Variants in NCALD observed in about 807,000 individuals in gnomAD.
NCALD encodes the protein neurocalcin-delta.
A neutral mutation model predicts 18.6 loss-of-function variants in NCALD; 10 were observed. The ratio of observed to expected loss-of-function variants is 0.54; its 90% CI spans 0.33 to 0.91. The LOEUF (loss-of-function observed/expected upper bound fraction) is 0.91. Among genes scored for constraint, NCALD ranks in the 40% least tolerant of loss-of-function variants. The pLI is 0.03. For missense variants in NCALD, 184 were observed against 247.6 expected, an observed-to-expected ratio of 0.74 and a Z score of 1.72; for synonymous variants, 88 against 87.4, an observed-to-expected ratio of 1.01 and a Z score of -0.04.
chr8:101,704,186 T>C (rs936357886), intron 2 of NCALD, among the ~76,000 whole-genome samples: 2 of 152,230 alleles, frequency 1.3e-5, no homozygotes, highest in Admixed American at 6.5e-5. Context: ...TTTAAGAACA[T>C]TTATAGAGCT....
intron 2 of NCALD, among the ~76,000 whole-genome samples, chr8:101,971,008 G>A (rs572084264): frequency 3.2e-4 from 49 of 152,244 alleles, no homozygotes; most frequent in Non-Finnish European, 6.8e-4. Flanking sequence ...GTCCCTCCCT[G>A]TGTTTGCCTC....
intron 4 of NCALD, among the ~76,000 whole-genome samples, chr8:101,870,634 G>A (rs987910135): frequency 6.6e-6 from 1 of 152,140 alleles, no homozygotes; most frequent in Non-Finnish European, 1.5e-5. Context: ...CACTGCTGCT[G>A]CTGAGACTCA....
intron 2 of NCALD, among the ~76,000 whole-genome samples, chr8:102,002,851 C>A (rs1424920622): frequency 1.3e-5 from 2 of 151,784 alleles, no homozygotes; most frequent in African/African-American, 4.8e-5. Flanking sequence ...CACAACATAC[C>A]AGAATCTCTG....
At chr8:101,815,459 G>C (rs1331561643) in intron 4 of NCALD, among the ~76,000 whole-genome samples, 1 of 151,988 alleles carries the variant, frequency 6.6e-6, no homozygotes, top group African/African-American at 2.4e-5. Context: ...TCAACAATAA[G>C]AAAAGAAACA....
intron 2 of NCALD, among the ~76,000 whole-genome samples, chr8:101,985,600 C>T (rs1244226656): frequency 6.6e-6 from 1 of 152,078 alleles, no homozygotes; most frequent in East Asian, 1.9e-4. Context: ...TGTGGTCTTT[C>T]ACAGTTTGAC....
intron 2 of NCALD, among the ~76,000 whole-genome samples, chr8:101,939,080 G>T (rs1227870102): frequency 6.6e-6 from 1 of 152,128 alleles, no homozygotes; most frequent in Non-Finnish European, 1.5e-5. Context: ...TGTAGCCTGA[G>T]GCCAAAAGAA....
intron 4 of NCALD, among the ~76,000 whole-genome samples, chr8:101,880,449 G>T (rs2131455880): frequency 6.6e-6 from 1 of 152,314 alleles, no homozygotes; most frequent in East Asian, 1.9e-4. Context: ...CCGGAGAGGG[G>T]CCCCCACAGC....
rs1262308045 is a variant in NCALD at position 101,773,066 on chromosome 8, C to T, written c.-20+17796G>A. On this transcript the variant is annotated intron_variant, in intron 1 of 3. Transcript: ENST00000220931. ...AATCATTTGAGAGACTGTAACTTGC[C>T]CAAGCTTCAGTCACAAAGCTTTAGT... 2.0e-5 allele frequency among the ~76,000 whole-genome samples: 3 copies of T among 152,142 alleles called. No homozygotes were observed. The East Asian group carries it at 5.8e-4, about 29-fold the overall frequency.
intron 2 of NCALD, among the ~76,000 whole-genome samples, chr8:101,958,306 A>G (rs769415495): frequency 6.6e-6 from 1 of 152,102 alleles, no homozygotes; most frequent in Non-Finnish European, 1.5e-5. Flanking sequence ...CAGGCTTCCT[A>G]AGAGCTTTTA....
At chr8:102,054,659 C>CTGAT (rs1823569944) in intron 1 of NCALD, among the ~76,000 whole-genome samples, 1 of 121,930 alleles carries the variant, frequency 8.2e-6, no homozygotes, top group Non-Finnish European at 1.7e-5. Context: ...TCTTTCTCTT[C>CTGAT]CGATAGATAG....
At chr8:101,925,272 A>C (rs1172955393) in intron 2 of NCALD, among the ~76,000 whole-genome samples, 1 of 152,138 alleles carries the variant, frequency 6.6e-6, no homozygotes, top group Non-Finnish European at 1.5e-5. Flanking sequence ...CAGACATCTG[A>C]CAGCCAGACT....
chr8:102,120,023 C>T (rs971247941), intron 1 of NCALD, among the ~76,000 whole-genome samples: 6 of 152,212 alleles, frequency 3.9e-5, no homozygotes, highest in African/African-American at 1.4e-4. Context: ...ACACTAAGCT[C>T]ACTAAACTCA....
At chr8:101,988,902 G>GAAAAAA (rs35196499) in intron 2 of NCALD, among the ~76,000 whole-genome samples, 25 of 66,070 alleles carry the variant, frequency 3.8e-4, no homozygotes, top group African/African-American at 9.7e-4. Flanking sequence ...GGTGCCAGCA[G>GAAAAAA]AAAAAAAAAA....
At chr8:101,743,520 G>C (rs1288731107) in intron 1 of NCALD, among the ~76,000 whole-genome samples, 1 of 152,192 alleles carries the variant, frequency 6.6e-6, no homozygotes, top group Non-Finnish European at 1.5e-5. Flanking sequence ...AACCTATTAA[G>C]AAAGGTAAAG....
At chr8:101,761,754 A>G (rs1032540771) in intron 1 of NCALD, among the ~76,000 whole-genome samples, 5 of 152,196 alleles carry the variant, frequency 3.3e-5, no homozygotes, top group Non-Finnish European at 2.9e-5. Context: ...CAGCTACCCT[A>G]CAGACTAGGT....
chr8:101,763,537 C>T (rs181499722), intron 1 of NCALD, among the ~76,000 whole-genome samples: 6 of 152,266 alleles, frequency 3.9e-5, no homozygotes, highest in African/African-American at 1.4e-4. Context: ...TATGTGTCAA[C>T]TTGATTGGGC....
chr8:102,119,880 T>A (rs561761541), intron 1 of NCALD, among the ~76,000 whole-genome samples: 8 of 152,332 alleles, frequency 5.3e-5, no homozygotes, highest in South Asian at 2.1e-4. Context: ...CTCAAGAATA[T>A]TGGTCAAATA....
intron 4 of NCALD, among the ~76,000 whole-genome samples, chr8:101,840,271 G>T (rs1335532481): frequency 1.3e-5 from 2 of 152,156 alleles, no homozygotes; most frequent in Non-Finnish European, 2.9e-5. Flanking sequence ...TGATAGAAAT[G>T]TATGTGCACA....
At chr8:101,847,487 T>C (rs1814916932) in intron 4 of NCALD, 1 of 152,418 alleles carries the variant, frequency 6.6e-6, no homozygotes, top group Admixed American at 6.5e-5. Context: ...CCTGGGTCCC[T>C]TGTGGCATCA....
Sources: gnomAD v4.1 joint callset for allele counts (sites outside exome capture counted in the v4.1 genomes callset) on GRCh38, gnomAD v4.1.1 for gene constraint, MANE v1.5 for transcripts, NCBI Gene and HGNC (gene_info 2026-07-23, HGNC 2026-07-21) for gene names.